The following VPS13C variants were observed in gnomAD, a reference collection of about 807,000 sequenced individuals.
The protein encoded by VPS13C is intermembrane lipid transfer protein VPS13C.
A neutral mutation model predicts 456.8 loss-of-function variants in VPS13C; 358 were observed. The observed-to-expected ratio is 0.78, with a 90% confidence interval of 0.72 to 0.86. VPS13C has a LOEUF of 0.86. Ranked by LOEUF, VPS13C falls within the 40% of genes least tolerant of loss-of-function variation. The pLI, the probability that VPS13C is intolerant of heterozygous loss-of-function variation, is 0.00. For missense variants in VPS13C, 4,818 were observed against 4,385.4 expected (o/e 1.10, Z -2.79); for synonymous variants, 1,578 against 1,486.7 (o/e 1.06, Z -1.41).
At chr15:61,896,403 G>A (rs913194371) in intron 66 of VPS13C, among the ~76,000 whole-genome samples, 18 of 152,234 alleles carry the variant, frequency 1.2e-4, no homozygotes, top group East Asian at 5.8e-4. Context: ...CGCATGGTGC[G>A]CGAGCCGAAG....
intron 66 of VPS13C, among the ~76,000 whole-genome samples, chr15:61,891,124 G>T (rs1031237400): frequency 1.3e-5 from 2 of 152,120 alleles, no homozygotes; most frequent in African/African-American, 4.8e-5. Flanking sequence ...CTATAACATA[G>T]GAAATATTTA....
At position 61,865,710 on chromosome 15, in the gene VPS13C, ATG is replaced by A. The variant is rs989947540; in HGVS notation, c.10864-2184_10864-2183del. The stretch of plus-strand genomic sequence containing the variant: ...TGTGTATATATATGTGTGTATATGT[ATG>A]TGTGTATATATGTGTTTGTGTGTAT... On this transcript the variant is annotated intron_variant, in intron 81 of 84. Coordinates refer to ENST00000644861, the MANE Select transcript of VPS13C (RefSeq NM_020821.3). The A allele has an allele frequency of 2.3e-4, 93 of 411,260 alleles. 2 individuals are homozygous for A. The highest frequency in any genetic ancestry group is 1.2e-3 in the Middle Eastern group (1 of 810). 25.5% of individuals were successfully genotyped at this position (411,260 alleles called of 1,614,324 possible).
intron 1 of VPS13C, among the ~76,000 whole-genome samples, chr15:62,054,861 C>A (rs1237518074): frequency 6.6e-6 from 1 of 152,070 alleles, no homozygotes; most frequent in East Asian, 1.9e-4. Context: ...GTTTGTTAAT[C>A]ATTATTATTA....
rs758547996 is a variant in VPS13C at position 61,917,307 on chromosome 15, AC to A, written c.8055+33del. 6.9e-6 allele frequency: 11 copies of A among 1,597,536 alleles called. No homozygotes were observed. In the South Asian group the frequency reaches 7.9e-5, roughly 11 times the overall value. On this transcript the variant is annotated intron_variant, in intron 60 of 84. Coordinates refer to ENST00000644861, the MANE Select transcript of VPS13C (RefSeq NM_020821.3). ...ACAAAATCAGAATTTACTCTGTGCAACAACAAAAATCAAACAAAATGCAAGA... is the reference window on the plus strand; with the variant it reads ...ACAAAATCAGAATTTACTCTGTGCAAAACAAAAATCAAACAAAATGCAAGA...
chr15:61,921,857 T>C, intron 55 of VPS13C, 90 bp downstream of exon 55: 2 of 1,365,596 alleles, frequency 1.5e-6, no homozygotes, highest in South Asian at 1.2e-5. Context: ...TCAAGGATCC[T>C]AGACCACATC....
At chr15:61,878,819 C>A in intron 73 of VPS13C, 73 bp from the exon 74 acceptor site, 1 of 1,456,572 alleles carries the variant, frequency 6.9e-7, no homozygotes, top group South Asian at 1.4e-5. Flanking sequence ...CCAGGTAGTC[C>A]AGAAACAAAC....
At chr15:61,998,368 T>C (rs1414588950) in intron 16 of VPS13C, among the ~76,000 whole-genome samples, 2 of 152,182 alleles carry the variant, frequency 1.3e-5, no homozygotes, top group East Asian at 1.9e-4. Context: ...TGTCCCCTAC[T>C]ACAATATAAA....
chr15:61,950,924 C>A, intron 40 of VPS13C, 21 bp downstream of exon 40: 1 of 1,502,238 alleles, frequency 6.7e-7, no homozygotes, highest in Non-Finnish European at 9.1e-7. Context: ...ATTAAAGAAT[C>A]CTAGAAATGA....
chr15:62,037,267 T>G lies in VPS13C; in HGVS notation c.188-2215A>C, dbSNP rs1190262421. Among the ~76,000 whole-genome samples the G allele has an allele frequency of 3.2e-4, 7 of 21,724 alleles. 1 individual carries two copies. Among genetic ancestry groups the G allele is most frequent in the Non-Finnish European group, 4.2e-4 (5 of 11,778 alleles). 14.3% of individuals were successfully genotyped at this position (21,724 alleles called of 152,430 possible). A position where few individuals can be genotyped will look rare whatever the true frequency, so the allele number is the denominator to read the frequency against. On this transcript the variant is annotated intron_variant, in intron 3 of 84. Coordinates refer to ENST00000644861, the MANE Select transcript of VPS13C (RefSeq NM_020821.3). ...ATATAATATATTTATATATATTATATTATATAATATATTATATATATTATA... is the reference window on the plus strand; with the variant it reads ...ATATAATATATTTATATATATTATAGTATATAATATATTATATATATTATA...
chr15:61,909,030 C>T lies in VPS13C; in HGVS notation c.8940G>A (p.Met2980Ile). The change falls in exon 65 of 85, where the codon ATG becomes ATA. Residue 2980 changes from methionine to isoleucine, a missense_variant. Physicochemically the swap from Met to Ile is conservative, Grantham distance 10. This residue lies in a region of VPS13C where 4,552 missense variants were observed against 4,130.6 expected (regional missense o/e 1.10). Transcript: ENST00000644861. Reference sequence around the variant, plus strand: ...TGAGGATGTCCCATGGTGTATGGTTCATTATCAAGGCAGGTGCAGATCCCT... The same window carrying T: ...TGAGGATGTCCCATGGTGTATGGTTTATTATCAAGGCAGGTGCAGATCCCT... ...YHEGSAPALI[M>I]NHTPWDILTY... 1 of 1,613,692 alleles carries T rather than the reference C, an allele frequency of 6.2e-7. No homozygotes were observed. The highest frequency in any genetic ancestry group is 8.5e-7 in the Non-Finnish European group (1 of 1,179,932).
At chr15:61,944,804 A>C (rs995032594) in intron 45 of VPS13C, among the ~76,000 whole-genome samples, 1 of 152,180 alleles carries the variant, frequency 6.6e-6, no homozygotes, top group Non-Finnish European at 1.5e-5. Flanking sequence ...TAACAAGTGA[A>C]GTCCAAAAGA....
intron 1 of VPS13C, among the ~76,000 whole-genome samples, chr15:62,045,529 G>A (rs542515655): frequency 4.5e-4 from 68 of 151,928 alleles, no homozygotes; most frequent in African/African-American, 1.4e-3. Flanking sequence ...GTAACTGGAG[G>A]GTATAAGAAA....
intron 59 of VPS13C, 65 bp from the exon 60 acceptor site, chr15:61,917,700 A>G: frequency 2.0e-5 from 30 of 1,520,954 alleles, no homozygotes; most frequent in Non-Finnish European, 2.7e-5. Context: ...GCATCTCATT[A>G]AATCTTCCTG....
rs375216345 is a variant in VPS13C at position 61,881,792 on chromosome 15, C to T, written c.9661G>A (p.Val3221Ile). The part of the protein sequence containing the change: ...NQLPGAMFPV[V>I]FHPVAPPKSI... ...TTTGGAGGGGCAACAGGATGAAATA[C>T]AACAGGGAACATTGCACCTGGTAAC... Residue 3221 changes from valine (V) to isoleucine (I), a missense_variant, in exon 70 of 85, where the codon GTA becomes ATA. Val to Ile is a conservative substitution (Grantham distance 29, BLOSUM62 3). This residue lies in a region of VPS13C where 4,552 missense variants were observed against 4,130.6 expected (regional missense o/e 1.10). Coordinates refer to ENST00000644861, the MANE Select transcript of VPS13C (RefSeq NM_020821.3). 9 of 1,604,314 alleles carry T rather than the reference C, an allele frequency of 5.6e-6. No individual in the cohort carries two copies. The African/African-American group carries it at 6.8e-5, about 12-fold the overall frequency.
intron 1 of VPS13C, among the ~76,000 whole-genome samples, chr15:62,053,798 G>A (rs1009856523): frequency 6.6e-6 from 1 of 152,168 alleles, no homozygotes; most frequent in African/African-American, 2.4e-5. Context: ...ACAATATCTG[G>A]CAGCTCAAGG....
chr15:61,912,333 C>T (rs1466833289), intron 62 of VPS13C, among the ~76,000 whole-genome samples: 2 of 152,086 alleles, frequency 1.3e-5, no homozygotes, highest in African/African-American at 2.4e-5. Flanking sequence ...TTGTTATCTG[C>T]TATTAGTAAA....
chr15:61,908,921 A>G (rs2065603985), intron 65 of VPS13C, 71 bp downstream of exon 65: 1 of 1,545,340 alleles, frequency 6.5e-7, no homozygotes, highest in African/African-American at 1.4e-5. Context: ...TTTGAATATG[A>G]AACCAAAGTG....
intron 15 of VPS13C, 45 bp from the exon 16 acceptor site, chr15:62,000,671 G>C (rs1002999114): frequency 2.6e-6 from 4 of 1,527,096 alleles, no homozygotes; most frequent in Non-Finnish European, 3.5e-6. Flanking sequence ...TTAATCATTA[G>C]ATAAAAGAAA....
At chr15:61,865,142 C>A (rs868266636) in intron 81 of VPS13C, 1 of 984,884 alleles carries the variant, frequency 1.0e-6, no homozygotes. Context: ...AAAATATTCA[C>A]GTCCCCTTTC....
Sources: allele counts gnomAD v4.1 joint callset (sites outside exome capture counted in the v4.1 genomes callset), GRCh38; gene constraint gnomAD v4.1.1; regional missense constraint gnomAD v4.1.1; transcripts MANE v1.5; gene names NCBI Gene and HGNC (gene_info 2026-07-23, HGNC 2026-07-21).